The following NIBAN1 variants were observed in gnomAD, a reference collection of about 807,000 sequenced individuals.
NIBAN1 encodes the protein niban apoptosis regulator 1, also known as protein Niban 1.
Under a neutral mutation model 75.1 loss-of-function variants are expected in NIBAN1, and 81 were observed. The ratio of observed to expected loss-of-function variants is 1.08; its 90% CI spans 0.90 to 1.30. The LOEUF (loss-of-function observed/expected upper bound fraction) is 1.30. Ranked by LOEUF, NIBAN1 falls within the 50% of genes most tolerant of loss-of-function variation. The probability of loss-of-function intolerance (pLI) is 0.00; values close to 1 mark genes in which losing one functional copy is unlikely to be tolerated. For synonymous variants in NIBAN1, 436 were observed against 424.8 expected, an observed-to-expected ratio of 1.03 and a Z score of -0.32; for missense variants, 1,133 against 1,128.1, an observed-to-expected ratio of 1.00 and a Z score of -0.06.
chr1:184,951,367 T>C (rs188138577), intron 1 of NIBAN1, among the ~76,000 whole-genome samples: 1 of 152,354 alleles, frequency 6.6e-6, no homozygotes, highest in Non-Finnish European at 1.5e-5. Context: ...AGCTGACATC[T>C]CCACTTGAAC....
intron 6 of NIBAN1, among the ~76,000 whole-genome samples, chr1:184,831,094 G>T (rs796633317): frequency 6.6e-6 from 1 of 152,016 alleles, no homozygotes; most frequent in African/African-American, 2.4e-5. Context: ...CCATGTGACT[G>T]GTGTCATCAT....
At chr1:184,871,373 A>G (rs1212128831) in intron 5 of NIBAN1, among the ~76,000 whole-genome samples, 2 of 149,668 alleles carry the variant, frequency 1.3e-5, no homozygotes, top group Non-Finnish European at 3.0e-5. Flanking sequence ...AAAAAAAAAA[A>G]GAGGAAAATG....
Position 184,798,172 on chromosome 1 carries a change from G to A in NIBAN1, c.1573C>T (p.Gln525Ter). The part of the protein sequence containing the change: ...TCKPELQKYE[Q>*]FIFADHTNMI... ...TTGGTATGATCTGCAAAGATGAACT[G>A]CTCGTATTTCTGAAGCTCCTGGAGA... The change falls in exon 13 of 14, where the codon CAG becomes TAG. Residue 525 changes from glutamine (Q) to a stop codon, truncating the protein, a stop_gained. Coordinates refer to ENST00000367511, the MANE Select transcript of NIBAN1 (RefSeq NM_052966.4). LOFTEE classifies it high-confidence loss of function. The A allele has an allele frequency of 6.2e-7, 1 of 1,603,806 alleles. No homozygotes were observed.
Position 184,839,570 on chromosome 1 carries a change from C to T in NIBAN1, c.602-7608G>A, listed in dbSNP as rs980860225. On this transcript the variant is annotated intron_variant, in intron 5 of 13. Coordinates refer to ENST00000367511, the MANE Select transcript of NIBAN1 (RefSeq NM_052966.4). ...CTGTGTGTGTGTGTGTGTGTGCACG[C>T]GCGCGTGTGTGTGTGTGTTGTTCCA... Among the ~76,000 whole-genome samples the T allele has an allele frequency of 7.4e-5, 11 of 148,426 alleles. 1 individual carries two copies. The highest frequency in any genetic ancestry group is 3.9e-4 in the East Asian group (2 of 5,120).
chr1:184,901,625 T>G (rs1557906991), intron 1 of NIBAN1, among the ~76,000 whole-genome samples: 1 of 152,198 alleles, frequency 6.6e-6, no homozygotes, highest in South Asian at 2.1e-4. Context: ...TAATTTCTAA[T>G]GTTTATTTTT....
Position 184,794,849 on chromosome 1 carries a change from C to G in NIBAN1, c.*128G>C, listed in dbSNP as rs1401046632. 15 of 1,254,760 alleles carry G rather than the reference C, an allele frequency of 1.2e-5. No homozygotes were observed. Among genetic ancestry groups the G allele is most frequent in the Non-Finnish European group, 1.7e-5 (15 of 882,034 alleles). 77.7% of individuals were successfully genotyped at this position (1,254,760 alleles called of 1,614,324 possible). A position where few individuals can be genotyped will look rare whatever the true frequency, so the allele number is the denominator to read the frequency against. Reference sequence around the variant, plus strand: ...TGCTCATGCCCTGTATGCATTTCCTCTGGTTTTATTATTCAAATTAAGAAA... The same window carrying G: ...TGCTCATGCCCTGTATGCATTTCCTGTGGTTTTATTATTCAAATTAAGAAA... On this transcript the variant is annotated 3_prime_UTR_variant, in exon 14 of 14. Transcript: ENST00000367511.
intron 5 of NIBAN1, among the ~76,000 whole-genome samples, chr1:184,852,520 C>T (rs937130153): frequency 6.6e-6 from 1 of 152,184 alleles, no homozygotes; most frequent in African/African-American, 2.4e-5. Context: ...CCACTATTTC[C>T]ACTTCTGCTT....
intron 1 of NIBAN1, among the ~76,000 whole-genome samples, chr1:184,965,538 G>A (rs559331494): frequency 6.6e-6 from 1 of 152,184 alleles, no homozygotes; most frequent in Admixed American, 6.5e-5. Context: ...AACTAACGCA[G>A]GAACAGAAAA....
intron 1 of NIBAN1, among the ~76,000 whole-genome samples, chr1:184,920,320 A>G (rs1035732802): frequency 2.6e-5 from 4 of 152,210 alleles, no homozygotes; most frequent in Non-Finnish European, 5.9e-5. Context: ...TGATATTTGC[A>G]ATGTGTAATG....
intron 1 of NIBAN1, among the ~76,000 whole-genome samples, chr1:184,935,618 T>TA (rs1657935762): frequency 6.6e-6 from 1 of 152,058 alleles, no homozygotes; most frequent in African/African-American, 2.4e-5. Context: ...AATATATATA[T>TA]TTTTTTAAAT....
In NIBAN1 at chr1:184,794,846, C is replaced by T. The variant is rs1470657015; in HGVS notation, c.*131G>A. 2 of 1,215,764 alleles carry T rather than the reference C, an allele frequency of 1.6e-6. No homozygotes were observed. Among genetic ancestry groups the T allele is most frequent in the Non-Finnish European group, 2.4e-6 (2 of 847,706 alleles). 75.3% of individuals were successfully genotyped at this position (1,215,764 alleles called of 1,614,324 possible). Reference sequence around the variant, plus strand: ...AGTTGCTCATGCCCTGTATGCATTTCCTCTGGTTTTATTATTCAAATTAAG... The same window carrying T: ...AGTTGCTCATGCCCTGTATGCATTTTCTCTGGTTTTATTATTCAAATTAAG... On this transcript the variant is annotated 3_prime_UTR_variant, in exon 14 of 14. Transcript: ENST00000367511.
intron 5 of NIBAN1, among the ~76,000 whole-genome samples, chr1:184,881,070 A>C (rs1039098547): frequency 1.4e-4 from 22 of 151,994 alleles, no homozygotes; most frequent in Admixed American, 1.3e-4. Flanking sequence ...AAATAAAAGC[A>C]AAACACCCAT....
chr1:184,961,714 C>T (rs1658656084), intron 1 of NIBAN1, among the ~76,000 whole-genome samples: 1 of 152,218 alleles, frequency 6.6e-6, no homozygotes, highest in Non-Finnish European at 1.5e-5. Flanking sequence ...TAATTCCATA[C>T]TCTTGCCAGT....
At chr1:184,820,321 G>A (rs1294011240) in intron 8 of NIBAN1, among the ~76,000 whole-genome samples, 1 of 152,172 alleles carries the variant, frequency 6.6e-6, no homozygotes, top group Non-Finnish European at 1.5e-5. Context: ...GATAGGCACA[G>A]GAGGGCCGTG....
At chr1:184,857,389 G>A (rs964286024) in intron 5 of NIBAN1, among the ~76,000 whole-genome samples, 6 of 152,272 alleles carry the variant, frequency 3.9e-5, no homozygotes, top group South Asian at 2.1e-4. Flanking sequence ...ATCTATTCCC[G>A]TGAGTGTGAG....
In NIBAN1 at chr1:184,819,442, T is replaced by C. The variant is rs576673728; in HGVS notation, c.986-617A>G. The stretch of plus-strand genomic sequence containing the variant: ...AGTGACAAAAATGTAGAATACATTT[T>C]GATCACGAAGAAGAATGAAAAAATG... On this transcript the variant is annotated intron_variant, in intron 8 of 13. Transcript: ENST00000367511. Among the ~76,000 whole-genome samples the C allele has an allele frequency of 2.6e-5, 4 of 152,304 alleles. No homozygotes were observed. The South Asian group carries it at 8.3e-4, about 32-fold the overall frequency.
chr1:184,808,062 TG>T lies in NIBAN1; in HGVS notation c.1335+11del, dbSNP rs752114006. 1.9e-6 allele frequency: 3 copies of T among 1,613,488 alleles called. No individual in the cohort carries two copies. Among genetic ancestry groups the T allele is most frequent in the Non-Finnish European group, 2.5e-6 (3 of 1,179,612 alleles). On this transcript the variant is annotated intron_variant, in intron 10 of 13. Transcript: ENST00000367511. The stretch of plus-strand genomic sequence containing the variant: ...TACCCTCATCCACCACGGATGCCCC[TG>T]CCACACCCACCTCCTGCATGTAGTT...
chr1:184,947,877 TACCCCCTTGGTA>T (rs1658269548), intron 1 of NIBAN1, among the ~76,000 whole-genome samples: 1 of 152,228 alleles, frequency 6.6e-6, no homozygotes, highest in African/African-American at 2.4e-5. Flanking sequence ...GAAAGCTGCT[TACCCCCTTGGTA>T]AGGGCATTCA....
chr1:184,898,697 C>T (rs234640), intron 2 of NIBAN1, among the ~76,000 whole-genome samples: 87,606 of 151,608 alleles, frequency 0.58, 26,467 homozygotes, highest in African/African-American at 0.77. Flanking sequence ...GTTTATTACC[C>T]GTTTCCTGTG....
Sources: allele counts gnomAD v4.1 joint callset (sites outside exome capture counted in the v4.1 genomes callset), GRCh38; gene constraint gnomAD v4.1.1; transcripts MANE v1.5; gene names NCBI Gene and HGNC (gene_info 2026-07-23, HGNC 2026-07-21).